JAM3: variants seen among roughly 807,000 people sequenced by gnomAD.
The protein encoded by JAM3 is junctional adhesion molecule 3.
A neutral mutation model predicts 39.4 loss-of-function variants in JAM3; 31 were observed. The ratio of observed to expected loss-of-function variants is 0.79; its 90% CI spans 0.59 to 1.06. The LOEUF (loss-of-function observed/expected upper bound fraction) is 1.06. Among genes scored for constraint, JAM3 ranks in the 50% least tolerant of loss-of-function variants. The pLI is 0.00. For missense variants in JAM3, 455 were observed against 391.4 expected (o/e 1.16, Z -1.37); for synonymous variants, 182 against 148.7 (o/e 1.22, Z -1.63).
chr11:134,121,351 A>T (rs1591794485), intron 1 of JAM3, among the ~76,000 whole-genome samples: 3 of 152,314 alleles, frequency 2.0e-5, no homozygotes, highest in East Asian at 3.9e-4. Flanking sequence ...GGGGAAACAG[A>T]ACACAGTAGT....
At position 134,144,284 on chromosome 11, in the gene JAM3, G is replaced by T; in HGVS notation, c.300G>T (p.Leu100=). 1 of 1,614,216 alleles carries T rather than the reference G, an allele frequency of 6.2e-7. No homozygotes were observed. The highest frequency in any genetic ancestry group is 8.5e-7 in the Non-Finnish European group (1 of 1,180,030). The change falls in exon 4 of 9, where the codon CTG becomes CTT. Residue 100 remains leucine, a synonymous_variant. Transcript: ENST00000299106. ...CAGAAATACTGGGGAAGACATCCCTGAAGATCTGGAATGTGACACGGAGAG... is the reference window on the plus strand; with the variant it reads ...CAGAAATACTGGGGAAGACATCCCTTAAGATCTGGAATGTGACACGGAGAG... ...GRAEILGKTS[L]KIWNVTRRDS... is the part of the protein sequence containing the mutation.
chr11:134,135,866 C>A (rs534765644), intron 1 of JAM3, among the ~76,000 whole-genome samples: 1 of 152,012 alleles, frequency 6.6e-6, no homozygotes, highest in African/African-American at 2.4e-5. Context: ...ATCAGGAGTT[C>A]GAGACCAGTC....
intron 5 of JAM3, 86 bp from the exon 6 acceptor site, chr11:134,145,860 G>A (rs1278970432): frequency 9.2e-6 from 8 of 868,036 alleles, no homozygotes; most frequent in African/African-American, 6.6e-5. Context: ...AGCAGGTGTC[G>A]ACCTAGTTCT....
At chr11:134,077,234 T>G (rs1480939146) in intron 1 of JAM3, among the ~76,000 whole-genome samples, 1 of 152,202 alleles carries the variant, frequency 6.6e-6, no homozygotes, top group African/African-American at 2.4e-5. Flanking sequence ...GTTGAGCATT[T>G]TTTTGTATGT....
intron 1 of JAM3, among the ~76,000 whole-genome samples, chr11:134,097,056 C>T (rs1314221150): frequency 6.6e-6 from 1 of 152,060 alleles, no homozygotes; most frequent in Non-Finnish European, 1.5e-5. Context: ...AGTCACTGCC[C>T]TCCAGAAGTC....
intron 1 of JAM3, among the ~76,000 whole-genome samples, chr11:134,104,341 G>A (rs1285565399): frequency 2.6e-5 from 4 of 152,158 alleles, no homozygotes; most frequent in Non-Finnish European, 5.9e-5. Context: ...CAGAATCTCT[G>A]GGACACATTT....
intron 6 of JAM3, among the ~76,000 whole-genome samples, chr11:134,146,822 C>G (rs1293260169): frequency 6.6e-6 from 1 of 152,188 alleles, no homozygotes; most frequent in African/African-American, 2.4e-5. Context: ...GCCTCGGCCT[C>G]CCCCAGGTGC....
chr11:134,118,639 T>C (rs1264521119), intron 1 of JAM3, among the ~76,000 whole-genome samples: 1 of 152,164 alleles, frequency 6.6e-6, no homozygotes, highest in Admixed American at 6.5e-5. Context: ...CTCTTCCTCC[T>C]CTCTCCCTGC....
chr11:134,121,651 GA>G (rs1396278402), intron 1 of JAM3, among the ~76,000 whole-genome samples: 1 of 151,932 alleles, frequency 6.6e-6, no homozygotes, highest in African/African-American at 2.4e-5. Context: ...TAATTTTAAG[GA>G]AAAAAATCCA....
rs181597589 is a variant in JAM3 at position 134,072,825 on chromosome 11, G to A, written c.76+3666G>A. 4.4e-3 allele frequency among the ~76,000 whole-genome samples: 669 copies of A among 152,246 alleles called. 6 individuals carry two copies. The highest frequency in any genetic ancestry group is 0.014 in the African/African-American group (585 of 41,552). The stretch of plus-strand genomic sequence containing the variant: ...CTCTGGAGGCTGAGGCAGGAGAATC[G>A]CTTGAACCCGGGAGGTGGAGGTTGC... On this transcript the variant is annotated intron_variant, in intron 1 of 8. Transcript: ENST00000299106.
intron 1 of JAM3, among the ~76,000 whole-genome samples, chr11:134,130,839 T>C (rs1455767335): frequency 6.6e-6 from 1 of 152,198 alleles, no homozygotes; most frequent in East Asian, 1.9e-4. Context: ...CCTGAAGGCC[T>C]AATGCAAGGT....
intron 6 of JAM3, among the ~76,000 whole-genome samples, chr11:134,146,808 T>C (rs185473717): frequency 6.6e-6 from 1 of 152,146 alleles, no homozygotes; most frequent in African/African-American, 2.4e-5. Context: ...CAAGCAATCC[T>C]CCTGCCTCGG....
intron 1 of JAM3, among the ~76,000 whole-genome samples, chr11:134,115,146 C>T (rs1295310196): frequency 1.3e-5 from 2 of 152,000 alleles, no homozygotes; most frequent in Non-Finnish European, 2.9e-5. Context: ...CCTTTTTTAT[C>T]CCTGGTAATA....
At chr11:134,097,628 T>A (rs1055566198) in intron 1 of JAM3, among the ~76,000 whole-genome samples, 2 of 152,186 alleles carry the variant, frequency 1.3e-5, no homozygotes, top group Non-Finnish European at 2.9e-5. Context: ...TTATAGGGAA[T>A]GGAAAATTCA....
At chr11:134,091,556 G>C (rs955572795) in intron 1 of JAM3, among the ~76,000 whole-genome samples, 15 of 151,610 alleles carry the variant, frequency 9.9e-5, no homozygotes, top group African/African-American at 3.6e-4. Flanking sequence ...GGTAAGCCCA[G>C]AAGTTAGAGG....
intron 6 of JAM3, 121 bp from the exon 7 acceptor site, chr11:134,148,426 G>C (rs1591810609): frequency 8.4e-7 from 1 of 1,186,026 alleles, no homozygotes; most frequent in South Asian, 1.2e-5. Context: ...AGCTGGGGTA[G>C]GCCTGAGGGG....
intron 1 of JAM3, among the ~76,000 whole-genome samples, chr11:134,106,174 G>A (rs1034940828): frequency 1.3e-5 from 2 of 152,174 alleles, no homozygotes; most frequent in Admixed American, 1.3e-4. Flanking sequence ...ACAGAACAGA[G>A]CCCTCAGAAA....
At chr11:134,141,212 C>T (rs1027410439) in intron 3 of JAM3, among the ~76,000 whole-genome samples, 9 of 152,046 alleles carry the variant, frequency 5.9e-5, no homozygotes, top group African/African-American at 9.7e-5. Context: ...GGAGAAAACA[C>T]GGTGTACCCT....
At chr11:134,108,703 C>A (rs1231104661) in intron 1 of JAM3, among the ~76,000 whole-genome samples, 4 of 152,142 alleles carry the variant, frequency 2.6e-5, no homozygotes, top group Non-Finnish European at 5.9e-5. Flanking sequence ...ATATTACATT[C>A]TCAACAGATG....
Sources: gnomAD v4.1 joint callset for allele counts (sites outside exome capture counted in the v4.1 genomes callset) on GRCh38, gnomAD v4.1.1 for gene constraint, MANE v1.5 for transcripts, NCBI Gene and HGNC (gene_info 2026-07-23, HGNC 2026-07-21) for gene names.